Variants in LRCH1 observed in about 807,000 individuals in gnomAD.
LRCH1 encodes the protein leucine rich repeats and calponin homology domain containing 1.
In LRCH1, 23 loss-of-function variants were observed where a neutral mutation model predicts 94.9. The ratio of observed to expected loss-of-function variants is 0.24; its 90% CI spans 0.17 to 0.34. The LOEUF (loss-of-function observed/expected upper bound fraction) is 0.34. LRCH1 is among the 10% of genes least tolerant of loss of function. The pLI is 1.00. For missense variants in LRCH1, 790 were observed against 945.9 expected, an observed-to-expected ratio of 0.84 and a Z score of 2.16; for synonymous variants, 364 against 354.9, an observed-to-expected ratio of 1.03 and a Z score of -0.29.
intron 1 of LRCH1, among the ~76,000 whole-genome samples, chr13:46,625,420 G>A (rs78954685): frequency 0.013 from 2,007 of 152,278 alleles, 61 homozygotes; most frequent in Admixed American, 0.074. Flanking sequence ...TGATTAGGTC[G>A]TGAGGGTGGA....
intron 1 of LRCH1, among the ~76,000 whole-genome samples, chr13:46,582,001 T>G (rs1283346285): frequency 6.6e-6 from 1 of 152,146 alleles, no homozygotes; most frequent in African/African-American, 2.4e-5. Context: ...AATTCAAAAA[T>G]TAGCCGGGCG....
chr13:46,614,108 CTTTCT>C lies in LRCH1; in HGVS notation c.308-36089_308-36085del, dbSNP rs368289465. 1.9e-3 allele frequency among the ~76,000 whole-genome samples: 84 copies of C among 43,896 alleles called. No homozygotes were observed. In the African/African-American group the frequency reaches 0.023, roughly 12 times the overall value. The allele number at this position is 43,896 out of a possible 152,430, so 28.8% of individuals were successfully genotyped here. A position where few individuals can be genotyped will look rare whatever the true frequency, so the allele number is the denominator to read the frequency against. On this transcript the variant is annotated intron_variant, in intron 1 of 19. Coordinates refer to ENST00000389797, the MANE Select transcript of LRCH1 (RefSeq NM_001164211.2). ...CACACCCATCATTTCACATAGTTAC[CTTTCT>C]TTTTTTGTGGCGAGAGTACCTAAAA...
intron 2 of LRCH1, among the ~76,000 whole-genome samples, chr13:46,657,181 A>G (rs757592208): frequency 2.0e-4 from 31 of 151,890 alleles, no homozygotes; most frequent in South Asian, 4.2e-4. Flanking sequence ...TTTGTTGTAT[A>G]TATTATTTTG....
At chr13:46,746,769 T>C (rs944227896), downstream of LRCH1, among the ~76,000 whole-genome samples, 6 of 152,216 alleles carry the variant, frequency 3.9e-5, no homozygotes, top group African/African-American at 1.4e-4. Flanking sequence ...AAACCTACCA[T>C]GATTCATTCC....
chr13:46,558,626 G>C (rs1215631962), intron 1 of LRCH1, among the ~76,000 whole-genome samples: 1 of 137,978 alleles, frequency 7.2e-6, no homozygotes, highest in African/African-American at 2.9e-5. Flanking sequence ...CCAGTTACTC[G>C]GGAGGCTGAG....
At chr13:46,730,655 C>A (rs1873057176) in intron 18 of LRCH1, among the ~76,000 whole-genome samples, 1 of 152,226 alleles carries the variant, frequency 6.6e-6, no homozygotes, top group Non-Finnish European at 1.5e-5. Context: ...TTTTACAAAT[C>A]TACCTCTAGC....
intron 13 of LRCH1, among the ~76,000 whole-genome samples, chr13:46,707,996 C>T (rs952400481): frequency 7.2e-5 from 11 of 152,156 alleles, no homozygotes; most frequent in Non-Finnish European, 1.5e-4. Context: ...ATGTAAAAGG[C>T]GTGGCCCTGC....
At chr13:46,607,177 G>A (rs1219735734) in intron 1 of LRCH1, among the ~76,000 whole-genome samples, 1 of 152,190 alleles carries the variant, frequency 6.6e-6, no homozygotes, top group East Asian at 1.9e-4. Context: ...GATCACAGAG[G>A]AGATGGAAAC....
intron 1 of LRCH1, among the ~76,000 whole-genome samples, chr13:46,649,593 C>G (rs553041282): frequency 1.5e-4 from 23 of 152,146 alleles, no homozygotes; most frequent in African/African-American, 5.3e-4. Context: ...ATTATAGGCT[C>G]TCAGTAATTC....
At chr13:46,737,426 T>C (rs1447737623) in intron 19 of LRCH1, among the ~76,000 whole-genome samples, 1 of 152,218 alleles carries the variant, frequency 6.6e-6, no homozygotes, top group Non-Finnish European at 1.5e-5. Context: ...GCCCACTTTT[T>C]ACAGTAGTGT....
intron 19 of LRCH1, among the ~76,000 whole-genome samples, chr13:46,735,354 C>G (rs569128842): frequency 6.6e-6 from 1 of 152,288 alleles, no homozygotes; most frequent in East Asian, 1.9e-4. Context: ...AATCAAAACT[C>G]TCATGGCAAG....
chr13:46,678,662 TTTAAAG>T (rs1239264626), intron 3 of LRCH1, among the ~76,000 whole-genome samples: 1 of 152,238 alleles, frequency 6.6e-6, no homozygotes, highest in Non-Finnish European at 1.5e-5. Context: ...CAGGAAGTTT[TTTAAAG>T]TAAATTGACC....
intron 1 of LRCH1, among the ~76,000 whole-genome samples, chr13:46,562,441 T>C (rs996984298): frequency 6.6e-6 from 1 of 152,172 alleles, no homozygotes; most frequent in African/African-American, 2.4e-5. Flanking sequence ...GCCGTTCCTT[T>C]TTATACACAA....
chr13:46,714,920 A>G (rs568224609), intron 15 of LRCH1, among the ~76,000 whole-genome samples: 3 of 152,280 alleles, frequency 2.0e-5, no homozygotes, highest in South Asian at 4.1e-4. Context: ...TAACTGAGCA[A>G]TATTGAAAAC....
Position 46,694,876 on chromosome 13 carries a change from C to G in LRCH1, c.1121-17C>G. The G allele has an allele frequency of 6.2e-7, 1 of 1,613,814 alleles. No individual in the cohort carries two copies. The highest frequency in any genetic ancestry group is 8.5e-7 in the Non-Finnish European group (1 of 1,179,812). The stretch of plus-strand genomic sequence containing the variant: ...TCATGAAATCATGCTTTCCATCTCT[C>G]TATATTTTCCTAATAGGGGAATTTC... On this transcript the variant is annotated splice_polypyrimidine_tract_variant and intron_variant, in intron 8 of 19. Transcript: ENST00000389797.
intron 3 of LRCH1, among the ~76,000 whole-genome samples, chr13:46,675,819 T>G (rs1172952342): frequency 6.6e-6 from 1 of 152,182 alleles, no homozygotes; most frequent in Non-Finnish European, 1.5e-5. Flanking sequence ...ATTTCTGCCT[T>G]TCTTCTGAAG....
chr13:46,563,348 C>T (rs1490241554), intron 1 of LRCH1, among the ~76,000 whole-genome samples: 3 of 151,972 alleles, frequency 2.0e-5, no homozygotes, highest in African/African-American at 7.2e-5. Flanking sequence ...GGAATTTCTT[C>T]CTTTTTTTTT....
intron 1 of LRCH1, among the ~76,000 whole-genome samples, chr13:46,600,441 T>C (rs140193753): frequency 1.3e-5 from 2 of 152,312 alleles, no homozygotes; most frequent in East Asian, 3.9e-4. Context: ...AAGTATTTAT[T>C]TTTATTCACT....
At position 46,553,414 on chromosome 13, in the gene LRCH1, C is replaced by T; in HGVS notation, c.18C>T (p.Ser6=). 6.5e-7 allele frequency: 1 copy of T among 1,543,278 alleles called. No individual in the cohort carries two copies. Among genetic ancestry groups the T allele is most frequent in the Non-Finnish European group, 8.7e-7 (1 of 1,145,588 alleles). Reference sequence around the variant, plus strand: ...GGGAGAAGATGGCGACGCCGGGAAGCGAACCCCAACCTTTCGTCCCGGCCC... The same window carrying T: ...GGGAGAAGATGGCGACGCCGGGAAGTGAACCCCAACCTTTCGTCCCGGCCC... The part of the protein sequence containing the change: MATPG[S]EPQPFVPALS... Residue 6 remains serine (S), a synonymous_variant, in exon 1 of 20, where the codon AGC becomes AGT. Transcript: ENST00000389797.
Sources: allele counts gnomAD v4.1 joint callset (sites outside exome capture counted in the v4.1 genomes callset), GRCh38; gene constraint gnomAD v4.1.1; transcripts MANE v1.5; gene names NCBI Gene and HGNC (gene_info 2026-07-23, HGNC 2026-07-21).